The following INSYN2A variants were observed in gnomAD, a reference collection of about 807,000 sequenced individuals.
INSYN2A encodes the protein inhibitory synaptic factor 2A.
A neutral mutation model predicts 39.4 loss-of-function variants in INSYN2A; 17 were observed. The ratio of observed to expected loss-of-function variants is 0.43; its 90% CI spans 0.30 to 0.65. INSYN2A has a LOEUF of 0.65. Among genes scored for constraint, INSYN2A ranks in the 30% least tolerant of loss-of-function variants. The pLI is 0.14. For missense variants in INSYN2A, 595 were observed against 631.2 expected, an observed-to-expected ratio of 0.94 and a Z score of 0.61; for synonymous variants, 255 against 265.7, an observed-to-expected ratio of 0.96 and a Z score of 0.39.
At chr10:127,173,378 A>T (rs1018279271) in intron 4 of INSYN2A, among the ~76,000 whole-genome samples, 2 of 152,194 alleles carry the variant, frequency 1.3e-5, no homozygotes, top group Admixed American at 6.5e-5. Context: ...ACACTGCTAG[A>T]TGGATGGCAT....
At chr10:127,162,462 T>C (rs1436903360) in intron 4 of INSYN2A, among the ~76,000 whole-genome samples, 1 of 152,216 alleles carries the variant, frequency 6.6e-6, no homozygotes, top group African/African-American at 2.4e-5. Context: ...CACAAATTAC[T>C]TAGCAATGAT....
At chr10:127,180,381 C>G (rs1462915884) in intron 2 of INSYN2A, among the ~76,000 whole-genome samples, 7 of 152,122 alleles carry the variant, frequency 4.6e-5, no homozygotes, top group African/African-American at 1.7e-4. Flanking sequence ...TCTCTTGGCT[C>G]TAAAGCAGCA....
At chr10:127,170,683 T>G (rs2054491424) in intron 4 of INSYN2A, among the ~76,000 whole-genome samples, 1 of 152,162 alleles carries the variant, frequency 6.6e-6, no homozygotes, top group African/African-American at 2.4e-5. Flanking sequence ...ATCCCATAGC[T>G]GCTACAGTGA....
rs150869481 is a variant in INSYN2A, at chr10:127,175,500, G to A, written c.896C>T (p.Ala299Val). ...GCAGGCCAGGGCAGTTTCCGAGGGC[G>A]CCTGGAGCCCGTTGAGATGTGTGGC... ...RRATHLNGLQ[A>V]PSETALACSP... Residue 299 changes from alanine to valine, a missense_variant, in exon 4 of 6, where the codon GCG becomes GTG. Around this residue, in one of 2 missense-constraint regions of INSYN2A, gnomAD observed 478 missense variants for 467.4 expected, o/e 1.02. Coordinates refer to ENST00000522781, the MANE Select transcript of INSYN2A (RefSeq NM_001039762.3). The surrounding 1 kb of genome is among the most constrained non-coding windows in gnomAD (Gnocchi z 6.3). The A allele has an allele frequency of 3.0e-5, 48 of 1,608,732 alleles. No homozygotes were observed. Among genetic ancestry groups the A allele is most frequent in the East Asian group, 8.9e-5 (4 of 44,866 alleles).
intron 4 of INSYN2A, among the ~76,000 whole-genome samples, chr10:127,169,266 C>G (rs2054349365): frequency 6.6e-6 from 1 of 152,172 alleles, no homozygotes. Context: ...TATATTTGAA[C>G]AGCCTGAATG....
intron 5 of INSYN2A, among the ~76,000 whole-genome samples, chr10:127,138,884 A>G (rs541532579): frequency 1.3e-5 from 2 of 152,224 alleles, no homozygotes; most frequent in Non-Finnish European, 2.9e-5. Flanking sequence ...TGTCTTTGAA[A>G]AGGACCACAT....
At chr10:127,188,786 C>A (rs1022935938) in intron 2 of INSYN2A, among the ~76,000 whole-genome samples, 6 of 152,354 alleles carry the variant, frequency 3.9e-5, no homozygotes, top group African/African-American at 1.4e-4. Context: ...AGGTACCGTT[C>A]TGTGCTTTGT....
At chr10:127,156,986 T>G (rs556979783) in intron 4 of INSYN2A, among the ~76,000 whole-genome samples, 1 of 152,202 alleles carries the variant, frequency 6.6e-6, no homozygotes, top group Non-Finnish European at 1.5e-5. Context: ...ATACTAAGTG[T>G]GAAACATTTT....
At chr10:127,156,477 A>C (rs191843893) in intron 4 of INSYN2A, among the ~76,000 whole-genome samples, 82 of 152,076 alleles carry the variant, frequency 5.4e-4, no homozygotes, top group African/African-American at 1.8e-3. Flanking sequence ...GGAGTACTTC[A>C]GTAAGAAATT....
At chr10:127,171,759 A>G (rs1291151704) in intron 4 of INSYN2A, among the ~76,000 whole-genome samples, 1 of 152,140 alleles carries the variant, frequency 6.6e-6, no homozygotes, top group African/African-American at 2.4e-5. Context: ...GCTGGAGTGC[A>G]GTGGTGTGAT....
At chr10:127,185,355 G>A (rs537106385) in intron 2 of INSYN2A, among the ~76,000 whole-genome samples, 18 of 152,006 alleles carry the variant, frequency 1.2e-4, no homozygotes, top group African/African-American at 3.9e-4. Flanking sequence ...GGTGAATCCC[G>A]TCTCTACTAA....
chr10:127,184,478 T>G (rs2056038785), intron 2 of INSYN2A, among the ~76,000 whole-genome samples: 1 of 148,708 alleles, frequency 6.7e-6, no homozygotes, highest in Non-Finnish European at 1.5e-5. Flanking sequence ...CATTCCCCCA[T>G]GCCCCACCCC....
intron 4 of INSYN2A, among the ~76,000 whole-genome samples, chr10:127,166,892 C>T (rs561729435): frequency 4.0e-5 from 6 of 151,714 alleles, no homozygotes; most frequent in Non-Finnish European, 5.9e-5. Context: ...CCTAGTGGCT[C>T]GGTGGTGAGG....
intron 5 of INSYN2A, among the ~76,000 whole-genome samples, chr10:127,141,402 G>A (rs193033071): frequency 8.5e-5 from 13 of 152,260 alleles, no homozygotes; most frequent in African/African-American, 2.6e-4. Flanking sequence ...TGAGAACAGA[G>A]TCTTAAAAGG....
intron 5 of INSYN2A, among the ~76,000 whole-genome samples, chr10:127,139,946 C>G (rs2051064148): frequency 6.6e-6 from 1 of 152,162 alleles, no homozygotes; most frequent in South Asian, 2.1e-4. Context: ...TATTAGGGAT[C>G]TCTTCAACTT....
intron 2 of INSYN2A, among the ~76,000 whole-genome samples, chr10:127,177,340 A>G (rs752639210): frequency 7.2e-5 from 11 of 152,360 alleles, no homozygotes; most frequent in Non-Finnish European, 1.3e-4. Flanking sequence ...CAGGTGGCCA[A>G]TGACTCCTCT....
At chr10:127,194,409 CA>C (rs370418992) in intron 1 of INSYN2A, among the ~76,000 whole-genome samples, 1 of 151,950 alleles carries the variant, frequency 6.6e-6, no homozygotes, top group Non-Finnish European at 1.5e-5. Flanking sequence ...ATCATTCTTG[CA>C]AAAAAATTGC....
chr10:127,170,470 G>A (rs765791373), intron 4 of INSYN2A, among the ~76,000 whole-genome samples: 2 of 152,176 alleles, frequency 1.3e-5, no homozygotes, highest in African/African-American at 2.4e-5. Flanking sequence ...AGCTTCTCAC[G>A]ATCATTTCTG....
chr10:127,166,199 G>T (rs1358879602), intron 4 of INSYN2A, among the ~76,000 whole-genome samples: 1 of 152,118 alleles, frequency 6.6e-6, no homozygotes, highest in East Asian at 1.9e-4. Context: ...CCAAGTAGCT[G>T]GGACTACAGG....
Sources: gnomAD v4.1 joint callset for allele counts (sites outside exome capture counted in the v4.1 genomes callset) on GRCh38, gnomAD v4.1.1 for gene constraint, gnomAD v4.1.1 regional missense constraint, Gnocchi (gnomAD v3.1) non-coding constraint, MANE v1.5 for transcripts, NCBI Gene and HGNC (gene_info 2026-07-23, HGNC 2026-07-21) for gene names.